BLTP3B: variants seen among roughly 807,000 people sequenced by gnomAD.
The protein encoded by BLTP3B is UHRF1 (ICBP90) binding protein 1-like.
the BLTP3B span, among the ~76,000 whole-genome samples, chr12:100,078,061 A>T: frequency 6.6e-6 from 1 of 152,228 alleles, no homozygotes; most frequent in South Asian, 2.1e-4. Flanking sequence ...GGCCCCTGAT[A>T]TAGTTTGGAT....
the BLTP3B span, chr12:100,051,002 C>G: frequency 1.2e-5 from 19 of 1,560,836 alleles, no homozygotes; most frequent in Non-Finnish European, 1.6e-5. Context: ...ATGAATGTCT[C>G]AAAATATATA....
At chr12:100,084,401 C>T in the BLTP3B span, 17 of 1,184,224 alleles carry the variant, frequency 1.4e-5, no homozygotes, top group East Asian at 2.4e-4. Context: ...CACACACACA[C>T]ACACACACAC....
chr12:100,057,483 A>G, the BLTP3B span: 2 of 1,031,732 alleles, frequency 1.9e-6, no homozygotes, highest in Non-Finnish European at 2.7e-6. Context: ...GGGTACAGTT[A>G]ACAATTACTG....
the BLTP3B span, among the ~76,000 whole-genome samples, chr12:100,050,819 A>G: frequency 8.5e-5 from 13 of 152,152 alleles, no homozygotes; most frequent in South Asian, 4.1e-4. Context: ...CTCTAAAAAA[A>G]TAAAAATAAA....
At chr12:100,074,406 G>A in the BLTP3B span, among the ~76,000 whole-genome samples, 1 of 152,068 alleles carries the variant, frequency 6.6e-6, no homozygotes, top group South Asian at 2.1e-4. Context: ...CGAGACCAGC[G>A]TGGCCAACAT....
the BLTP3B span, among the ~76,000 whole-genome samples, chr12:100,136,373 A>G: frequency 6.6e-6 from 1 of 152,168 alleles, no homozygotes; most frequent in Non-Finnish European, 1.5e-5. Context: ...GCAATGCCAG[A>G]CAAGTAGTCC....
At chr12:100,121,354 G>GAAAAAA in the BLTP3B span, among the ~76,000 whole-genome samples, 1 of 97,132 alleles carries the variant, frequency 1.0e-5, no homozygotes, top group Non-Finnish European at 2.2e-5. Context: ...CCATCTCATG[G>GAAAAAA]AAAAAAAAAA....
the BLTP3B span, among the ~76,000 whole-genome samples, chr12:100,125,670 C>T: frequency 6.6e-6 from 1 of 152,036 alleles, no homozygotes; most frequent in Non-Finnish European, 1.5e-5. Flanking sequence ...TATGGGCATC[C>T]AGATTTTATT....
the BLTP3B span, among the ~76,000 whole-genome samples, chr12:100,103,431 T>C: frequency 2.0e-5 from 3 of 152,234 alleles, no homozygotes; most frequent in East Asian, 1.9e-4. Flanking sequence ...CTCTATTTCA[T>C]ATATAGCATT....
the BLTP3B span, among the ~76,000 whole-genome samples, chr12:100,040,056 G>T: frequency 6.6e-6 from 1 of 152,086 alleles, no homozygotes; most frequent in East Asian, 1.9e-4. Context: ...TATATTAAAG[G>T]TTTATTCGAT....
chr12:100,107,426 G>A, the BLTP3B span, among the ~76,000 whole-genome samples: 1 of 151,622 alleles, frequency 6.6e-6, no homozygotes, highest in Non-Finnish European at 1.5e-5. Context: ...ACAAGGTGAG[G>A]AGATTGAGAC....
the BLTP3B span, among the ~76,000 whole-genome samples, chr12:100,042,160 A>C: frequency 1.3e-5 from 2 of 152,234 alleles, no homozygotes; most frequent in African/African-American, 4.8e-5. Flanking sequence ...GGAAGATTTA[A>C]TGGAAATACT....
At chr12:100,124,935 TTTATATATATATATATA>T in the BLTP3B span, among the ~76,000 whole-genome samples, 1 of 49,378 alleles carries the variant, frequency 2.0e-5, no homozygotes, top group South Asian at 7.8e-4. Context: ...AAAAAAAAAT[TTTATATATATATATATA>T]TATATATATA....
the BLTP3B span, among the ~76,000 whole-genome samples, chr12:100,069,649 C>A: frequency 1.3e-5 from 2 of 151,730 alleles, no homozygotes; most frequent in African/African-American, 4.8e-5. Flanking sequence ...TAACTGGGAG[C>A]TAAGCTATGA....
At chr12:100,073,581 G>GTA in the BLTP3B span, among the ~76,000 whole-genome samples, 35 of 151,196 alleles carry the variant, frequency 2.3e-4, no homozygotes, top group East Asian at 5.8e-4. Context: ...ATATGTGTGT[G>GTA]TATATATATA....
At chr12:100,064,039 T>C in the BLTP3B span, among the ~76,000 whole-genome samples, 1 of 151,902 alleles carries the variant, frequency 6.6e-6, no homozygotes, top group African/African-American at 2.4e-5. Flanking sequence ...ATCCAAAAAA[T>C]GATACAAGAA....
chr12:100,062,149 G>A, the BLTP3B span, among the ~76,000 whole-genome samples: 1 of 152,144 alleles, frequency 6.6e-6, no homozygotes, highest in Non-Finnish European at 1.5e-5. Context: ...TCTTCATCTC[G>A]GACCTCTAGC....
chr12:100,049,404 G>T, the BLTP3B span, among the ~76,000 whole-genome samples: 1 of 152,098 alleles, frequency 6.6e-6, no homozygotes, highest in Non-Finnish European at 1.5e-5. Flanking sequence ...TTTTTCTTCA[G>T]CATGGGTGTG....
chr12:100,058,166 A>C, the BLTP3B span: 2 of 1,613,370 alleles, frequency 1.2e-6, no homozygotes, highest in Non-Finnish European at 1.7e-6. Context: ...CATTTCCTTT[A>C]CTAGTTAAAG....
Sources: allele counts gnomAD v4.1 joint callset (sites outside exome capture counted in the v4.1 genomes callset), GRCh38; gene constraint gnomAD v4.1.1; transcripts MANE v1.5; gene names NCBI Gene and HGNC (gene_info 2026-07-23, HGNC 2026-07-21).